Variants in GOLGA7B observed in about 807,000 individuals in gnomAD.
GOLGA7B encodes golgin A7 family member B, also known as golgin subfamily A member 7B.
A neutral mutation model predicts 21.5 loss-of-function variants in GOLGA7B; 17 were observed. That is an observed-to-expected ratio of 0.79 (90% CI 0.54 to 1.19). The LOEUF is 1.19. GOLGA7B is among the 50% of genes most tolerant of loss of function. GOLGA7B has a pLI of 0.00. For synonymous variants in GOLGA7B, 87 were observed against 84.0 expected, an observed-to-expected ratio of 1.04 and a Z score of -0.19; for missense variants, 169 against 224.4, an observed-to-expected ratio of 0.75 and a Z score of 1.58.
Position 97,864,210 on chromosome 10 carries a change from A to G in GOLGA7B, c.334A>G (p.Lys112Glu). ...ISRYIQEQNE[K>E]IFAPRGLLLT... ...CCGCTACATCCAGGAGCAGAATGAG[A>G]AGATCTTTGCACCTCGAGGCCTCCT... is the stretch of plus-strand genomic sequence containing the variant. The change falls in exon 4 of 5, where the codon AAG becomes GAG. Residue 112 changes from lysine to glutamate, a missense_variant. By Grantham distance (56) the Lys-to-Glu change is moderately conservative. Coordinates refer to ENST00000370602, the MANE Select transcript of GOLGA7B (RefSeq NM_001010917.3). The G allele has an allele frequency of 1.2e-6, 2 of 1,614,156 alleles. No individual in the cohort carries two copies. The highest frequency in any genetic ancestry group is 2.2e-5 in the South Asian group (2 of 91,086).
Position 97,867,532 on chromosome 10 carries a change from G to A in GOLGA7B, c.*1832G>A, listed in dbSNP as rs996427383. On this transcript the variant is annotated 3_prime_UTR_variant, in exon 5 of 5. Transcript: ENST00000370602. ...GTCCTTGCAGCCTCAGGAAGTCCTC[G>A]GCCCAAGTGAGTCCTGGTCCAAGGA... 2 of 152,262 alleles carry A rather than the reference G, an allele frequency of 1.3e-5. No homozygotes were observed. The highest frequency in any genetic ancestry group is 6.5e-5 in the Admixed American group (1 of 15,274). The allele number at this position is 152,262 out of a possible 1,614,324, so 9.4% of individuals were successfully genotyped here. A position where few individuals can be genotyped will look rare whatever the true frequency, so the allele number is the denominator to read the frequency against.
rs1300790651 is a variant in GOLGA7B at position 97,869,224 on chromosome 10, G to A, written c.*3524G>A. 1 of 152,342 alleles carries A rather than the reference G, an allele frequency of 6.6e-6. No individual in the cohort carries two copies. Among genetic ancestry groups the A allele is most frequent in the Non-Finnish European group, 1.5e-5 (1 of 68,126 alleles). The allele number at this position is 152,342 out of a possible 1,614,324, so 9.4% of individuals were successfully genotyped here. On this transcript the variant is annotated 3_prime_UTR_variant, in exon 5 of 5. Transcript: ENST00000370602. ...GGCACCTCCACTTCCAGGGCATCAC[G>A]GGAGGGTGCATGGGCTGTGCTCGCA...
rs1030635553 is a variant in GOLGA7B, at chr10:97,868,959, C to A, written c.*3259C>A. 1 of 152,234 alleles carries A rather than the reference C, an allele frequency of 6.6e-6. No homozygotes were observed. The highest frequency in any genetic ancestry group is 2.4e-5 in the African/African-American group (1 of 41,462). 9.4% of individuals were successfully genotyped at this position (152,234 alleles called of 1,614,324 possible). A position where few individuals can be genotyped will look rare whatever the true frequency, so the allele number is the denominator to read the frequency against. On this transcript the variant is annotated 3_prime_UTR_variant, in exon 5 of 5. Transcript: ENST00000370602. ...CAATTCTCACAGCAACCCTCTATGGCATGGATTCTTATTTCCCATTTTACA... is the reference window on the plus strand; with the variant it reads ...CAATTCTCACAGCAACCCTCTATGGAATGGATTCTTATTTCCCATTTTACA...
intron 1 of GOLGA7B, among the ~76,000 whole-genome samples, chr10:97,856,129 A>G (rs746303143): frequency 2.0e-5 from 3 of 152,134 alleles, no homozygotes; most frequent in African/African-American, 4.8e-5. Context: ...TGTTTGTTAC[A>G]TGGGTATATT....
In GOLGA7B at chr10:97,870,942, G is replaced by A. The variant is rs1353672751; in HGVS notation, c.*5242G>A. The stretch of plus-strand genomic sequence containing the variant: ...TACAGCTTTCAGCAGATTCTCAAAG[G>A]GGTATGCAACCCCCTAAAAAGGTTA... On this transcript the variant is annotated 3_prime_UTR_variant, in exon 5 of 5. Transcript: ENST00000370602. 1 of 152,164 alleles carries A rather than the reference G, an allele frequency of 6.6e-6. No homozygotes were observed. Among genetic ancestry groups the A allele is most frequent in the African/African-American group, 2.4e-5 (1 of 41,422 alleles). 9.4% of individuals were successfully genotyped at this position (152,164 alleles called of 1,614,324 possible).
intron 4 of GOLGA7B, 32 bp downstream of exon 4, chr10:97,864,301 A>G (rs764357105): frequency 6.4e-7 from 1 of 1,565,254 alleles, no homozygotes; most frequent in East Asian, 2.2e-5. Context: ...TGTTGAGGGC[A>G]CAGGACTGCT....
intron 1 of GOLGA7B, among the ~76,000 whole-genome samples, chr10:97,857,180 G>C (rs532326657): frequency 8.0e-4 from 122 of 152,106 alleles, no homozygotes; most frequent in African/African-American, 2.0e-3. Context: ...TTTTTCCTAG[G>C]TTTTCGTCTA....
chr10:97,851,931 T>C (rs1008102329), intron 1 of GOLGA7B, among the ~76,000 whole-genome samples: 4 of 152,252 alleles, frequency 2.6e-5, no homozygotes, highest in African/African-American at 7.2e-5. Context: ...TATTGCGCTT[T>C]CCTGTGTACA....
intron 2 of GOLGA7B, among the ~76,000 whole-genome samples, chr10:97,860,278 C>A (rs377681384): frequency 2.1e-3 from 322 of 152,262 alleles, no homozygotes; most frequent in African/African-American, 7.5e-3. Flanking sequence ...CTGTTACAAA[C>A]AATCCAGTTA....
chr10:97,851,717 C>T (rs766480934), intron 1 of GOLGA7B, among the ~76,000 whole-genome samples: 37 of 152,350 alleles, frequency 2.4e-4, no homozygotes, highest in Admixed American at 5.2e-4. Flanking sequence ...GCTGGGCCAG[C>T]AGCGTGGGCA....
At position 97,869,389 on chromosome 10, in the gene GOLGA7B, C is replaced by T. The variant is rs1310506535; in HGVS notation, c.*3689C>T. ...CTCCGGGGTCTGGCTGTAGCCATGT[C>T]CCTGCACCCACCTTGCCAGCCAGGG... On this transcript the variant is annotated 3_prime_UTR_variant, in exon 5 of 5. Coordinates refer to ENST00000370602, the MANE Select transcript of GOLGA7B (RefSeq NM_001010917.3). The T allele has an allele frequency of 1.3e-5, 2 of 152,424 alleles. No individual in the cohort carries two copies. The highest frequency in any genetic ancestry group is 2.9e-5 in the Non-Finnish European group (2 of 68,246). The allele number at this position is 152,424 out of a possible 1,614,324, so 9.4% of individuals were successfully genotyped here. A position where few individuals can be genotyped will look rare whatever the true frequency, so the allele number is the denominator to read the frequency against.
At chr10:97,853,165 G>T (rs1156862179) in intron 1 of GOLGA7B, among the ~76,000 whole-genome samples, 1 of 152,188 alleles carries the variant, frequency 6.6e-6, no homozygotes, top group African/African-American at 2.4e-5. Context: ...AGGCTGAGAA[G>T]AAGGGAGGTC....
intron 1 of GOLGA7B, among the ~76,000 whole-genome samples, 174 bp downstream of exon 1, chr10:97,850,489 G>A (rs937605593): frequency 6.6e-6 from 1 of 152,072 alleles, no homozygotes; most frequent in Admixed American, 6.5e-5. Flanking sequence ...TCCCCCTTGC[G>A]TGTCAATCTT....
At chr10:97,855,110 C>G (rs1023717264) in intron 1 of GOLGA7B, among the ~76,000 whole-genome samples, 7 of 152,190 alleles carry the variant, frequency 4.6e-5, no homozygotes, top group African/African-American at 1.7e-4. Context: ...GAAGAAATGG[C>G]TTGGGTCAGT....
chr10:97,855,144 A>T (rs2049927381), intron 1 of GOLGA7B, among the ~76,000 whole-genome samples: 1 of 152,236 alleles, frequency 6.6e-6, no homozygotes, highest in Non-Finnish European at 1.5e-5. Context: ...CTAGAGACAC[A>T]CGCCTTCAGG....
Position 97,864,063 on chromosome 10 carries a change from T to C in GOLGA7B, c.272T>C (p.Met91Thr). ...CATAYFIFLC[M>T]ETHYEKVLKK... ...ACGGCCTACTTCATCTTCCTCTGCA[T>C]GGAGACCCACTATGAGAAGGTGGCC... The change falls in exon 3 of 5, where the codon ATG (methionine) becomes ACG (threonine). Residue 91 changes from methionine to threonine, a missense_variant. Transcript: ENST00000370602. 1.2e-6 allele frequency: 2 copies of C among 1,614,128 alleles called. No individual in the cohort carries two copies. The highest frequency in any genetic ancestry group is 1.7e-5 in the Admixed American group (1 of 60,020).
chr10:97,865,935 G>T lies in GOLGA7B; in HGVS notation c.*235G>T, dbSNP rs919850864. On this transcript the variant is annotated 3_prime_UTR_variant, in exon 5 of 5. Coordinates refer to ENST00000370602, the MANE Select transcript of GOLGA7B (RefSeq NM_001010917.3). Reference sequence around the variant, plus strand: ...CCTGACCTGGGGGCTTTTCCTTCCCGATGGGGCTGGTCTGGGCCACACAGA... The same window carrying T: ...CCTGACCTGGGGGCTTTTCCTTCCCTATGGGGCTGGTCTGGGCCACACAGA... 4 of 624,704 alleles carry T rather than the reference G, an allele frequency of 6.4e-6. No homozygotes were observed. In the Admixed American group the frequency reaches 9.6e-5, roughly 15 times the overall value. 38.7% of individuals were successfully genotyped at this position (624,704 alleles called of 1,614,324 possible).
At chr10:97,858,874 G>A (rs929775644) in intron 1 of GOLGA7B, among the ~76,000 whole-genome samples, 1 of 152,220 alleles carries the variant, frequency 6.6e-6, no homozygotes, top group African/African-American at 2.4e-5. Context: ...TCTGTTGTGA[G>A]CTCCACTTGG....
Position 97,865,649 on chromosome 10 carries a change from C to T in GOLGA7B, c.453C>T (p.Ser151=), listed in dbSNP as rs1179501700. 6.2e-7 allele frequency: 1 copy of T among 1,611,888 alleles called. No individual in the cohort carries two copies. The highest frequency in any genetic ancestry group is 1.7e-5 in the Admixed American group (1 of 59,882). ...GTGGCAGCTCCAGCAGCGGCAGCAG[C>T]AGCGGCAGTGGCAGCAGCAGCGGTG... is the stretch of plus-strand genomic sequence containing the variant. The part of the protein sequence containing the change: ...CSSGSSSSGS[S]SGSGSSSGGG... The change falls in exon 5 of 5, where the codon AGC becomes AGT. Residue 151 remains serine (S), a synonymous_variant. Coordinates refer to ENST00000370602, the MANE Select transcript of GOLGA7B (RefSeq NM_001010917.3).
Sources: allele counts gnomAD v4.1 joint callset (sites outside exome capture counted in the v4.1 genomes callset), GRCh38; gene constraint gnomAD v4.1.1; transcripts MANE v1.5; gene names NCBI Gene and HGNC (gene_info 2026-07-23, HGNC 2026-07-21).